ECE1: variants seen among roughly 807,000 people sequenced by gnomAD.
The protein encoded by ECE1 is endothelin-converting enzyme 1.
In ECE1, 35 loss-of-function variants were observed where a neutral mutation model predicts 98.6. That is an observed-to-expected ratio of 0.35 (90% CI 0.27 to 0.47). The LOEUF is 0.47. Among genes scored for constraint, ECE1 ranks in the 20% least tolerant of loss-of-function variants. The pLI is 1.00. For missense variants in ECE1, 814 were observed against 1,025.3 expected, an observed-to-expected ratio of 0.79 and a Z score of 2.81; for synonymous variants, 394 against 407.1, an observed-to-expected ratio of 0.97 and a Z score of 0.39.
At chr1:21,292,129 G>A (rs995582914), upstream of ECE1, among the ~76,000 whole-genome samples, 2 of 151,902 alleles carry the variant, frequency 1.3e-5, no homozygotes, top group Admixed American at 6.6e-5. Context: ...GCACTCCAGC[G>A]TGGACGACAC....
chr1:21,259,129 G>A (rs918231882), intron 5 of ECE1, among the ~76,000 whole-genome samples: 3 of 152,126 alleles, frequency 2.0e-5, no homozygotes, highest in Non-Finnish European at 2.9e-5. Flanking sequence ...CCCGGTTCAC[G>A]GTTTATATTT....
chr1:21,231,973 T>C (rs1307981960), intron 14 of ECE1, among the ~76,000 whole-genome samples: 2 of 152,204 alleles, frequency 1.3e-5, no homozygotes, highest in Non-Finnish European at 2.9e-5. Flanking sequence ...CTTCAATGGG[T>C]AGGCAAGGAA....
chr1:21,221,638 C>T (rs2098167586), intron 18 of ECE1, 109 bp downstream of exon 18: 1 of 1,138,250 alleles, frequency 8.8e-7, no homozygotes, highest in Admixed American at 1.7e-5. Flanking sequence ...AGTCCAGTGA[C>T]TTGGGAAGTT....
At position 21,283,260 on chromosome 1, in the gene ECE1, T is replaced by C. The variant is rs546426577; in HGVS notation, c.139-3928A>G. On this transcript the variant is annotated intron_variant, in intron 2 of 18. Coordinates refer to ENST00000374893, the MANE Select transcript of ECE1 (RefSeq NM_001397.3). Reference sequence around the variant, plus strand: ...GCGCCCGGCCCATAACATTCCTTTTTTTGAATTTTTTTTAAATTTTTTTTT... The same window carrying C: ...GCGCCCGGCCCATAACATTCCTTTTCTTGAATTTTTTTTAAATTTTTTTTT... Among the ~76,000 whole-genome samples, 214 of 149,304 alleles carry C rather than the reference T, an allele frequency of 1.4e-3. 1 individual carries two copies. Among genetic ancestry groups the C allele is most frequent in the Non-Finnish European group, 2.7e-3 (181 of 66,438 alleles).
In ECE1 at chr1:21,273,346, C is replaced by CGTGTGT. The variant is rs60168069; in HGVS notation, c.281-441_281-436dup. ...GAAAGTGTGTGCCCGTGCGTGTGTG[C>CGTGTGT]GTGTGTGTGTGTGTGTGTGTGTGTG... is the stretch of plus-strand genomic sequence containing the variant. On this transcript the variant is annotated intron_variant, in intron 3 of 18. Transcript: ENST00000374893. Among the ~76,000 whole-genome samples, 739 of 133,152 alleles carry CGTGTGT rather than the reference C, an allele frequency of 5.6e-3. 4 individuals are homozygous for CGTGTGT. The highest frequency in any genetic ancestry group is 7.6e-3 in the Middle Eastern group (2 of 264). 87.4% of individuals were successfully genotyped at this position (133,152 alleles called of 152,430 possible).
At chr1:21,323,498 C>T (rs1268432906) in intron 1 of ECE1, among the ~76,000 whole-genome samples, 1 of 152,180 alleles carries the variant, frequency 6.6e-6, no homozygotes, top group Admixed American at 6.5e-5. Flanking sequence ...AGTGTTCATG[C>T]CTGTAACCCC....
intron 14 of ECE1, among the ~76,000 whole-genome samples, chr1:21,228,943 G>A (rs1311874772): frequency 1.3e-5 from 2 of 149,446 alleles, no homozygotes; most frequent in African/African-American, 2.5e-5. Context: ...CGGGGTTCAC[G>A]CCATTCTCCT....
At chr1:21,232,018 C>T (rs1009573750) in intron 14 of ECE1, among the ~76,000 whole-genome samples, 9 of 152,234 alleles carry the variant, frequency 5.9e-5, no homozygotes, top group Non-Finnish European at 8.8e-5. Flanking sequence ...AGTTAAAATA[C>T]TTCAGATAAA....
chr1:21,319,241 A>T lies in ECE1; in HGVS notation c.3+26135T>A, dbSNP rs1638907591. Among the ~76,000 whole-genome samples, 1 of 152,164 alleles carries T rather than the reference A, an allele frequency of 6.6e-6. No homozygotes were observed. The highest frequency in any genetic ancestry group is 1.5e-5 in the Non-Finnish European group (1 of 68,020). Reference sequence around the variant, plus strand: ...GCGTCTATAATCCCAGCTACTTGGGAGGCTGAGGTGGGACAATCGCTTGAA... The same window carrying T: ...GCGTCTATAATCCCAGCTACTTGGGTGGCTGAGGTGGGACAATCGCTTGAA... On this transcript the variant is annotated intron_variant, in intron 1 of 18. Transcript: ENST00000415912. This position sits in a 1 kb window ranked among gnomAD's most constrained non-coding sequence, Gnocchi z 4.4.
intron 3 of ECE1, among the ~76,000 whole-genome samples, chr1:21,275,204 G>A (rs930411955): frequency 6.6e-6 from 1 of 152,204 alleles, no homozygotes; most frequent in African/African-American, 2.4e-5. Flanking sequence ...GTCTGTGTGT[G>A]AGAGAGAGAC....
At chr1:21,259,763 G>C (rs1210952162) in intron 5 of ECE1, among the ~76,000 whole-genome samples, 1 of 152,210 alleles carries the variant, frequency 6.6e-6, no homozygotes, top group African/African-American at 2.4e-5. Flanking sequence ...AAGTGCCCAA[G>C]AAAGCAAGAA....
rs184582335 is a variant in ECE1 at position 21,301,426 on chromosome 1, C to T, written c.4-11270G>A. On this transcript the variant is annotated intron_variant, in intron 1 of 18. Transcript: ENST00000415912. ...GGAGAATGGCGTGAACCCCAGGGGG[C>T]GGAGCCTGCAGTGAGCCGAGATCAC... Among the ~76,000 whole-genome samples, 417 of 152,098 alleles carry T rather than the reference C, an allele frequency of 2.7e-3. 2 individuals carry two copies. The highest frequency in any genetic ancestry group is 0.019 in the Admixed American group (297 of 15,266).
intron 1 of ECE1, among the ~76,000 whole-genome samples, chr1:21,324,340 G>A (rs958734617): frequency 1.3e-5 from 2 of 152,202 alleles, no homozygotes; most frequent in African/African-American, 2.4e-5. Context: ...AGGAAGCAGG[G>A]GGCAGAGGCC....
chr1:21,220,402 G>C lies in ECE1; in HGVS notation c.2137-271C>G, dbSNP rs1167343091. On this transcript the variant is annotated intron_variant, in intron 18 of 18. Coordinates refer to ENST00000374893, the MANE Select transcript of ECE1 (RefSeq NM_001397.3). This position sits in a 1 kb window ranked among gnomAD's most constrained non-coding sequence, Gnocchi z 5.0. ...TGGTCCCAGCTCCTGGGGAGGCTGA[G>C]GTGGGAGGATCACTGGAGCTGGAGA... Among the ~76,000 whole-genome samples, 1 of 152,170 alleles carries C rather than the reference G, an allele frequency of 6.6e-6. No individual in the cohort carries two copies. The highest frequency in any genetic ancestry group is 2.4e-5 in the African/African-American group (1 of 41,440).
intron 2 of ECE1, among the ~76,000 whole-genome samples, chr1:21,289,843 G>T (rs890152092): frequency 2.6e-5 from 4 of 152,060 alleles, no homozygotes; most frequent in African/African-American, 9.7e-5. Context: ...GTGGCCGGGA[G>T]GCTCTAGGGA....
At position 21,219,649 on chromosome 1, in the gene ECE1, G is replaced by T; in HGVS notation, c.*306C>A. 1 of 459,630 alleles carries T rather than the reference G, an allele frequency of 2.2e-6. No homozygotes were observed. Among genetic ancestry groups the T allele is most frequent in the Non-Finnish European group, 4.0e-6 (1 of 250,112 alleles). 28.5% of individuals were successfully genotyped at this position (459,630 alleles called of 1,614,324 possible). A position where few individuals can be genotyped will look rare whatever the true frequency, so the allele number is the denominator to read the frequency against. On this transcript the variant is annotated 3_prime_UTR_variant, in exon 19 of 19. Transcript: ENST00000374893. This position sits in a 1 kb window ranked among gnomAD's most constrained non-coding sequence, Gnocchi z 4.5. Reference sequence around the variant, plus strand: ...TATCTTGAAAGCATTTGACACAGTGGTATTTGTGGCGTATCTGGCGCTTGT... The same window carrying T: ...TATCTTGAAAGCATTTGACACAGTGTTATTTGTGGCGTATCTGGCGCTTGT...
intron 1 of ECE1, among the ~76,000 whole-genome samples, chr1:21,308,007 C>G (rs1372717879): frequency 6.6e-6 from 1 of 152,168 alleles, no homozygotes; most frequent in East Asian, 1.9e-4. Flanking sequence ...GGTCACCCCT[C>G]AAAACCTCCC....
At chr1:21,342,052 G>A (rs796124695) in intron 1 of ECE1, among the ~76,000 whole-genome samples, 2 of 152,134 alleles carry the variant, frequency 1.3e-5, no homozygotes, top group South Asian at 2.1e-4. Context: ...ACAGAGCCGG[G>A]GAATGGCTGA....
chr1:21,233,339 G>A lies in ECE1; in HGVS notation c.1670+219C>T. 3.9e-6 allele frequency: 2 copies of A among 513,752 alleles called. No homozygotes were observed. The highest frequency in any genetic ancestry group is 7.1e-6 in the Non-Finnish European group (2 of 282,626). 31.8% of individuals were successfully genotyped at this position (513,752 alleles called of 1,614,324 possible). ...CCAGGCTCACCCTGCCAACAGGCTG[G>A]GCAGGCTCAAGCCCATCCCAGCTCC... On this transcript the variant is annotated intron_variant, in intron 14 of 18. Coordinates refer to ENST00000374893, the MANE Select transcript of ECE1 (RefSeq NM_001397.3). The surrounding 1 kb of genome is among the most constrained non-coding windows in gnomAD (Gnocchi z 4.0).
Sources: gnomAD v4.1 joint callset for allele counts (sites outside exome capture counted in the v4.1 genomes callset) on GRCh38, gnomAD v4.1.1 for gene constraint, Gnocchi (gnomAD v3.1) non-coding constraint, MANE v1.5 for transcripts, NCBI Gene and HGNC (gene_info 2026-07-23, HGNC 2026-07-21) for gene names.